EPHA6: variants seen among roughly 807,000 people sequenced by gnomAD.
EPHA6 encodes the protein ephrin type-A receptor 6.
In EPHA6, 50 loss-of-function variants were observed where a neutral mutation model predicts 112.0. The ratio of observed to expected loss-of-function variants is 0.45; its 90% CI spans 0.36 to 0.56. EPHA6 has a LOEUF of 0.56. EPHA6 is among the 20% of genes least tolerant of loss of function. EPHA6 has a pLI of 0.00. For missense variants in EPHA6, 1,280 were observed against 1,417.4 expected, an observed-to-expected ratio of 0.90 and a Z score of 1.56; for synonymous variants, 529 against 490.7, an observed-to-expected ratio of 1.08 and a Z score of -1.03.
At chr3:97,219,118 G>A (rs1185600376) in intron 3 of EPHA6, among the ~76,000 whole-genome samples, 1 of 152,126 alleles carries the variant, frequency 6.6e-6, no homozygotes, top group Non-Finnish European at 1.5e-5. Context: ...GCAGGGTACA[G>A]CTCCACTCCT....
intron 1 of EPHA6, among the ~76,000 whole-genome samples, chr3:96,817,077 A>G (rs2032851594): frequency 6.6e-6 from 1 of 152,040 alleles, no homozygotes. Context: ...TGATATACCG[A>G]TAACACAGGC....
chr3:97,532,013 C>A (rs1434067852), intron 10 of EPHA6, among the ~76,000 whole-genome samples: 1 of 152,024 alleles, frequency 6.6e-6, no homozygotes, highest in African/African-American at 2.4e-5. Context: ...CATATTTCAG[C>A]ATTGAGAACA....
intron 14 of EPHA6, among the ~76,000 whole-genome samples, chr3:97,673,727 A>G (rs1230627454): frequency 6.6e-6 from 1 of 152,102 alleles, no homozygotes; most frequent in Non-Finnish European, 1.5e-5. Context: ...GTCAGAACCT[A>G]TTTGTCCAGG....
At position 97,483,971 on chromosome 3, in the gene EPHA6, T is replaced by C; in HGVS notation, c.2112T>C (p.Asp704=). The C allele has an allele frequency of 3.7e-6, 6 of 1,607,632 alleles. No homozygotes were observed. Among genetic ancestry groups the C allele is most frequent in the East Asian group, 2.2e-5 (1 of 44,604 alleles). The change falls in exon 10 of 18, where the codon GAT becomes GAC. Residue 704 remains aspartate (D), a synonymous_variant. Coordinates refer to ENST00000389672, the MANE Select transcript of EPHA6 (RefSeq NM_001080448.3). ...GAATTAAAACTTACATTGATCCAGA[T>C]ACATATGAAGACCCATCCCTAGCAG... ...FPGIKTYIDP[D]TYEDPSLAVH...
At chr3:97,566,676 A>T (rs886662086) in intron 11 of EPHA6, among the ~76,000 whole-genome samples, 9 of 152,190 alleles carry the variant, frequency 5.9e-5, no homozygotes, top group Non-Finnish European at 1.0e-4. Context: ...CTCAAAATCC[A>T]GGATCATTTA....
At chr3:96,983,458 T>C (rs1249274611) in intron 2 of EPHA6, among the ~76,000 whole-genome samples, 4 of 152,180 alleles carry the variant, frequency 2.6e-5, no homozygotes, top group African/African-American at 4.8e-5. Context: ...GTGGGTAATG[T>C]GACCTTTCTC....
intron 5 of EPHA6, among the ~76,000 whole-genome samples, chr3:97,370,628 CTATAA>C (rs1349499041): frequency 2.6e-5 from 4 of 152,050 alleles, no homozygotes; most frequent in Admixed American, 6.6e-5. Flanking sequence ...CATGTAGTGG[CTATAA>C]TATATTTAAG....
chr3:97,115,709 G>C (rs2047866360), intron 3 of EPHA6, among the ~76,000 whole-genome samples: 2 of 151,842 alleles, frequency 1.3e-5, no homozygotes, highest in Admixed American at 1.3e-4. Flanking sequence ...TTGTGGATGT[G>C]TGTCCCTTTA....
At chr3:97,130,801 G>T (rs1271294336) in intron 3 of EPHA6, among the ~76,000 whole-genome samples, 3 of 152,090 alleles carry the variant, frequency 2.0e-5, no homozygotes, top group Admixed American at 2.0e-4. Context: ...TACTTTCCTA[G>T]ATCTGTTAAA....
rs551919524 is a variant in EPHA6, at chr3:97,195,999, C to A, written c.1115-30265C>A. Among the ~76,000 whole-genome samples the A allele has an allele frequency of 2.6e-5, 4 of 151,678 alleles. No homozygotes were observed. The East Asian group carries it at 5.8e-4, about 22-fold the overall frequency. On this transcript the variant is annotated intron_variant, in intron 3 of 17. Transcript: ENST00000389672. ...GTTACATATGCTTGGTGTTCTATAC[C>A]CTTCTTGTGTATTGATATCTTTCTC...
intron 6 of EPHA6, among the ~76,000 whole-genome samples, chr3:97,430,779 A>G (rs983395856): frequency 1.3e-5 from 2 of 152,116 alleles, no homozygotes; most frequent in Non-Finnish European, 2.9e-5. Flanking sequence ...TGCTTTCAAA[A>G]TGTCCTTTCT....
intron 3 of EPHA6, among the ~76,000 whole-genome samples, chr3:97,131,317 T>C (rs1057010385): frequency 6.6e-6 from 1 of 152,114 alleles, no homozygotes; most frequent in Non-Finnish European, 1.5e-5. Context: ...GATAGAGAGA[T>C]AGATACTTAA....
intron 5 of EPHA6, among the ~76,000 whole-genome samples, chr3:97,373,350 A>G (rs1231154763): frequency 6.6e-6 from 1 of 152,144 alleles, no homozygotes; most frequent in Admixed American, 6.6e-5. Flanking sequence ...TTACGATGGC[A>G]GCTTAGTCAT....
At chr3:97,713,078 G>A (rs1283645685) in intron 14 of EPHA6, among the ~76,000 whole-genome samples, 2 of 151,656 alleles carry the variant, frequency 1.3e-5, no homozygotes, top group Admixed American at 6.6e-5. Context: ...TAGGCTTAGA[G>A]TTAGGGTGGG....
intron 1 of EPHA6, among the ~76,000 whole-genome samples, chr3:96,820,558 T>C (rs775195604): frequency 1.8e-4 from 28 of 152,128 alleles, no homozygotes; most frequent in Admixed American, 5.9e-4. Flanking sequence ...TTTTCATTAT[T>C]CTTCATTGAA....
At chr3:97,488,662 T>C (rs2091758554) in intron 10 of EPHA6, among the ~76,000 whole-genome samples, 1 of 152,180 alleles carries the variant, frequency 6.6e-6, no homozygotes, top group Non-Finnish European at 1.5e-5. Context: ...CAATTCTCTT[T>C]ATATATATAT....
intron 5 of EPHA6, among the ~76,000 whole-genome samples, chr3:97,264,830 C>G (rs1212398513): frequency 6.6e-6 from 1 of 152,154 alleles, no homozygotes; most frequent in Non-Finnish European, 1.5e-5. Context: ...TGCCCCTGTC[C>G]TAGCAGGGCT....
intron 5 of EPHA6, among the ~76,000 whole-genome samples, chr3:97,319,967 G>A (rs2082031474): frequency 6.6e-6 from 1 of 151,914 alleles, no homozygotes; most frequent in African/African-American, 2.4e-5. Flanking sequence ...GAACATCAAT[G>A]CATTTCACAA....
intron 5 of EPHA6, among the ~76,000 whole-genome samples, chr3:97,251,863 CTCTT>C (rs969063256): frequency 5.3e-5 from 8 of 152,144 alleles, no homozygotes; most frequent in Non-Finnish European, 4.4e-5. Context: ...AAATACAGTG[CTCTT>C]TCTTTCAGTG....
Sources: allele counts gnomAD v4.1 joint callset (sites outside exome capture counted in the v4.1 genomes callset), GRCh38; gene constraint gnomAD v4.1.1; transcripts MANE v1.5; gene names NCBI Gene and HGNC (gene_info 2026-07-23, HGNC 2026-07-21).